QRICH1: variants seen among roughly 807,000 people sequenced by gnomAD.
QRICH1 encodes transcriptional regulator QRICH1.
Under a neutral mutation model 87.1 loss-of-function variants are expected in QRICH1, and 16 were observed. The observed-to-expected ratio is 0.18, with a 90% confidence interval of 0.12 to 0.28. QRICH1 has a LOEUF of 0.28. Ranked by LOEUF, QRICH1 falls within the 10% of genes least tolerant of loss-of-function variation. The pLI, the probability that QRICH1 is intolerant of heterozygous loss-of-function variation, is 1.00. For missense variants in QRICH1, 647 were observed against 951.7 expected, an observed-to-expected ratio of 0.68 and a Z score of 4.21; for synonymous variants, 367 against 368.4, an observed-to-expected ratio of 1.00 and a Z score of 0.05.
chr3:49,089,687 G>A (rs1415108785), intron 1 of QRICH1, among the ~76,000 whole-genome samples: 5 of 152,118 alleles, frequency 3.3e-5, no homozygotes, highest in Non-Finnish European at 5.9e-5. Flanking sequence ...CACACAATGT[G>A]AACAAATTTC....
intron 2 of QRICH1, among the ~76,000 whole-genome samples, chr3:49,069,098 A>ATTT (rs1470081542): frequency 5.2e-4 from 44 of 83,870 alleles, no homozygotes; most frequent in Non-Finnish European, 7.9e-4. Context: ...TATTATTATT[A>ATTT]TTATTATTAT....
At chr3:49,088,903 C>A (rs1213223522) in intron 1 of QRICH1, among the ~76,000 whole-genome samples, 1 of 151,984 alleles carries the variant, frequency 6.6e-6, no homozygotes, top group Non-Finnish European at 1.5e-5. Context: ...GGATTACAGG[C>A]ATGAGGCACT....
rs752163314 is a variant in QRICH1, at chr3:49,057,345, G to A, written c.855C>T (p.Asp285=). The change falls in exon 3 of 10, where the codon GAC becomes GAT. Residue 285 remains aspartate, a synonymous_variant. Transcript: ENST00000395443. The surrounding 1 kb of genome is among the most constrained non-coding windows in gnomAD (Gnocchi z 5.4). Reference sequence around the variant, plus strand: ...GGTGGGCACTGTCTACTGTCAGTAAGTCTGGCCTCAAAGACACATAACTCT... The same window carrying A: ...GGTGGGCACTGTCTACTGTCAGTAAATCTGGCCTCAAAGACACATAACTCT... ...QQQSYVSLRP[D]LLTVDSAHLY... 2 of 1,614,106 alleles carry A rather than the reference G, an allele frequency of 1.2e-6. No homozygotes were observed. The highest frequency in any genetic ancestry group is 1.7e-6 in the Non-Finnish European group (2 of 1,180,060).
At chr3:49,067,653 A>T (rs901949692) in intron 2 of QRICH1, among the ~76,000 whole-genome samples, 1 of 151,912 alleles carries the variant, frequency 6.6e-6, no homozygotes, top group Non-Finnish European at 1.5e-5. Context: ...AAGCTTTTTC[A>T]CTGGGTAGAA....
At chr3:49,060,224 C>T (rs779731087) in intron 2 of QRICH1, among the ~76,000 whole-genome samples, 3 of 150,814 alleles carry the variant, frequency 2.0e-5, no homozygotes, top group African/African-American at 4.9e-5. Flanking sequence ...GACCAAGTCT[C>T]GCTCTGTCGC....
chr3:49,092,225 G>A (rs1279804394), intron 1 of QRICH1: 1 of 152,144 alleles, frequency 6.6e-6, no homozygotes, highest in African/African-American at 2.4e-5. Context: ...AACTGAGCAA[G>A]TAGCGAACTG....
intron 6 of QRICH1, among the ~76,000 whole-genome samples, chr3:49,038,659 G>A (rs13080725): frequency 0.076 from 11,494 of 152,000 alleles, 575 homozygotes; most frequent in Non-Finnish European, 0.1. Context: ...CCTCGTGGTC[G>A]GCCCACCTCA....
At chr3:49,042,948 C>T (rs2093318988) in intron 6 of QRICH1, among the ~76,000 whole-genome samples, 1 of 152,080 alleles carries the variant, frequency 6.6e-6, no homozygotes. Context: ...ATACATTCAT[C>T]AAAACTCAGA....
chr3:49,034,952 ACTC>A (rs2093265827), intron 6 of QRICH1, among the ~76,000 whole-genome samples: 1 of 151,830 alleles, frequency 6.6e-6, no homozygotes, highest in African/African-American at 2.4e-5. Context: ...TGCCCGATAC[ACTC>A]CTCTTCTGTG....
At chr3:49,046,910 C>CA (rs1357601371) in intron 4 of QRICH1, among the ~76,000 whole-genome samples, 159 bp downstream of exon 4, 3 of 152,184 alleles carry the variant, frequency 2.0e-5, no homozygotes, top group Admixed American at 6.6e-5. Flanking sequence ...TACACAAGGT[C>CA]AGTACTGCTT....
At chr3:49,051,575 C>T (rs1213065393) in intron 3 of QRICH1, among the ~76,000 whole-genome samples, 1 of 82,388 alleles carries the variant, frequency 1.2e-5, no homozygotes, top group African/African-American at 6.2e-5. Context: ...AAGCTAGAAC[C>T]CCCCCTGCGC....
chr3:49,049,219 A>C (rs2093356031), intron 3 of QRICH1, among the ~76,000 whole-genome samples: 1 of 151,430 alleles, frequency 6.6e-6, no homozygotes, highest in Non-Finnish European at 1.5e-5. Context: ...AGGTGATTTT[A>C]ATGTCCAGCC....
chr3:49,087,748 C>T lies in QRICH1; in HGVS notation c.-22+6164G>A, dbSNP rs192322195. ...AATTAGCCAGGCGGGGTACCATGCG[C>T]CTGTAGTCCCAGCTACTCGGGAGGC... On this transcript the variant is annotated intron_variant, in intron 1 of 9. Coordinates refer to ENST00000395443, the MANE Select transcript of QRICH1 (RefSeq NM_198880.3). Among the ~76,000 whole-genome samples the T allele has an allele frequency of 5.9e-3, 784 of 132,072 alleles. 1 individual carries two copies. The highest frequency in any genetic ancestry group is 9.5e-3 in the Non-Finnish European group (616 of 64,596). 86.6% of individuals were successfully genotyped at this position (132,072 alleles called of 152,430 possible).
chr3:49,037,061 AC>A (rs1265558324), intron 6 of QRICH1, among the ~76,000 whole-genome samples: 1 of 113,946 alleles, frequency 8.8e-6, no homozygotes, highest in African/African-American at 3.2e-5. Context: ...ATAAATCGAG[AC>A]CCCCGTCTCT....
chr3:49,068,173 T>A (rs1035643522), intron 2 of QRICH1, among the ~76,000 whole-genome samples: 1 of 151,570 alleles, frequency 6.6e-6, no homozygotes, highest in Non-Finnish European at 1.5e-5. Context: ...CTAGGCAACA[T>A]AGCAACACCC....
intron 1 of QRICH1, among the ~76,000 whole-genome samples, chr3:49,089,608 G>A (rs764351903): frequency 3.3e-5 from 5 of 152,174 alleles, no homozygotes; most frequent in Non-Finnish European, 7.4e-5. Flanking sequence ...ATCAATAGTG[G>A]AATAGATAAA....
chr3:49,091,432 A>G (rs1207891385), intron 1 of QRICH1, among the ~76,000 whole-genome samples: 1 of 152,202 alleles, frequency 6.6e-6, no homozygotes, highest in Admixed American at 6.5e-5. Flanking sequence ...AAAGTAAGGA[A>G]AGACATCCCT....
intron 6 of QRICH1, among the ~76,000 whole-genome samples, chr3:49,036,219 A>T (rs2093274554): frequency 6.6e-6 from 1 of 152,234 alleles, no homozygotes; most frequent in Admixed American, 6.5e-5. Flanking sequence ...TCTGAACTAC[A>T]GGCACCAAAA....
intron 2 of QRICH1, 60 bp downstream of exon 2, chr3:49,076,649 A>G: frequency 7.1e-7 from 1 of 1,400,922 alleles, no homozygotes; most frequent in Non-Finnish European, 9.5e-7. Context: ...CCCACTAACT[A>G]AAACACTGAC....
Sources: gnomAD v4.1 joint callset for allele counts (sites outside exome capture counted in the v4.1 genomes callset) on GRCh38, gnomAD v4.1.1 for gene constraint, Gnocchi (gnomAD v3.1) non-coding constraint, MANE v1.5 for transcripts, NCBI Gene and HGNC (gene_info 2026-07-23, HGNC 2026-07-21) for gene names.